Variants in PRKAA2 observed in about 807,000 individuals in gnomAD.
PRKAA2 encodes the protein protein kinase AMP-activated catalytic subunit alpha 2, also known as 5'-AMP-activated protein kinase catalytic subunit alpha-2.
In PRKAA2, 40 loss-of-function variants were observed where a neutral mutation model predicts 56.3. The observed-to-expected ratio is 0.71, with a 90% CI of 0.55 to 0.92. The LOEUF (loss-of-function observed/expected upper bound fraction) is 0.92, where lower values mean the gene tolerates loss of function less well. PRKAA2 is among the 40% of genes least tolerant of loss of function. The pLI, the probability that PRKAA2 is intolerant of heterozygous loss-of-function variation, is 0.00. For synonymous variants in PRKAA2, 214 were observed against 234.2 expected (o/e 0.91, Z 0.79); for missense variants, 542 against 686.9 (o/e 0.79, Z 2.36).
chr1:56,688,742 C>A (rs1231027722), intron 2 of PRKAA2, among the ~76,000 whole-genome samples: 2 of 152,146 alleles, frequency 1.3e-5, no homozygotes, highest in African/African-American at 4.8e-5. Flanking sequence ...CAATGGGAAA[C>A]CTTTGAAGAT....
At chr1:56,650,685 T>C (rs1646679996) in intron 1 of PRKAA2, among the ~76,000 whole-genome samples, 1 of 152,204 alleles carries the variant, frequency 6.6e-6, no homozygotes, top group South Asian at 2.1e-4. Flanking sequence ...TGTTTACCCA[T>C]ATGTGGTTTA....
In PRKAA2 at chr1:56,655,601, C is replaced by T. The variant is rs144981346; in HGVS notation, c.94+10120C>T. On this transcript the variant is annotated intron_variant, in intron 1 of 8. Coordinates refer to ENST00000371244, the MANE Select transcript of PRKAA2 (RefSeq NM_006252.4). ...TTCATCTGCTCATGAGGGATCTTCT[C>T]CTATGACCCAAACACCTCCCATTAG... is the stretch of plus-strand genomic sequence containing the variant. 5.7e-4 allele frequency among the ~76,000 whole-genome samples: 87 copies of T among 152,060 alleles called. 2 individuals carry two copies. In the East Asian group the frequency reaches 0.014, roughly 24 times the overall value.
chr1:56,689,596 G>A (rs2100421368), intron 2 of PRKAA2, among the ~76,000 whole-genome samples: 1 of 152,148 alleles, frequency 6.6e-6, no homozygotes, highest in East Asian at 1.9e-4. Flanking sequence ...GTGCATGCCT[G>A]TAGTCCCAGC....
At chr1:56,650,915 G>A (rs941587443) in intron 1 of PRKAA2, among the ~76,000 whole-genome samples, 5 of 152,126 alleles carry the variant, frequency 3.3e-5, no homozygotes. Flanking sequence ...CAAACAAAAA[G>A]TGTTACCTTA....
chr1:56,668,946 A>G (rs751383684), intron 1 of PRKAA2, among the ~76,000 whole-genome samples: 1 of 152,220 alleles, frequency 6.6e-6, no homozygotes, highest in Non-Finnish European at 1.5e-5. Context: ...AGCATCCAGA[A>G]AGTGGCAACC....
At chr1:56,695,807 C>A in intron 5 of PRKAA2, 128 bp from the exon 6 acceptor site, 1 of 807,552 alleles carries the variant, frequency 1.2e-6, no homozygotes, top group Non-Finnish European at 2.0e-6. Flanking sequence ...GGGGAGCAGC[C>A]ATGGACTTCA....
At chr1:56,686,086 C>A (rs1644189009) in intron 2 of PRKAA2, among the ~76,000 whole-genome samples, 1 of 152,004 alleles carries the variant, frequency 6.6e-6, no homozygotes, top group African/African-American at 2.4e-5. Flanking sequence ...AGTTAATAAC[C>A]AAGACATTAA....
chr1:56,663,488 A>G (rs1386741932), intron 1 of PRKAA2, among the ~76,000 whole-genome samples: 1 of 152,210 alleles, frequency 6.6e-6, no homozygotes, highest in Non-Finnish European at 1.5e-5. Flanking sequence ...ATCATATTGG[A>G]AAAGCCATGT....
intron 2 of PRKAA2, among the ~76,000 whole-genome samples, chr1:56,682,392 A>G (rs1260395275): frequency 1.3e-5 from 2 of 152,194 alleles, no homozygotes; most frequent in Non-Finnish European, 2.9e-5. Context: ...GACCTAAAGG[A>G]TGATGAAGAT....
At chr1:56,647,302 C>T (rs747499278) in intron 1 of PRKAA2, among the ~76,000 whole-genome samples, 4 of 152,180 alleles carry the variant, frequency 2.6e-5, no homozygotes, top group Non-Finnish European at 4.4e-5. Flanking sequence ...AAGCAAACAG[C>T]GCCTTTGACA....
chr1:56,678,706 T>C (rs2100409771), intron 2 of PRKAA2, among the ~76,000 whole-genome samples: 1 of 151,434 alleles, frequency 6.6e-6, no homozygotes, highest in Admixed American at 6.6e-5. Context: ...TTTTTTTTTT[T>C]TTTTTTTGAG....
At chr1:56,695,911 T>A in intron 5 of PRKAA2, 24 bp from the exon 6 acceptor site, 8 of 1,590,434 alleles carry the variant, frequency 5.0e-6, no homozygotes, top group Non-Finnish European at 6.9e-6. Context: ...CATTTCAGGT[T>A]TGTGTTGTCA....
intron 7 of PRKAA2, among the ~76,000 whole-genome samples, chr1:56,705,679 C>T (rs551498552): frequency 3.9e-4 from 59 of 152,282 alleles, no homozygotes; most frequent in African/African-American, 1.3e-3. Context: ...GAATTACAGG[C>T]GTGAGCCACT....
At chr1:56,698,128 G>A (rs1382615735) in intron 6 of PRKAA2, among the ~76,000 whole-genome samples, 1 of 145,120 alleles carries the variant, frequency 6.9e-6, no homozygotes, top group Admixed American at 7.0e-5. Flanking sequence ...TGTTTACCAG[G>A]CTGGTCTTGA....
intron 2 of PRKAA2, among the ~76,000 whole-genome samples, chr1:56,681,994 A>G (rs1283263077): frequency 6.6e-6 from 1 of 152,178 alleles, no homozygotes; most frequent in Non-Finnish European, 1.5e-5. Flanking sequence ...TGAGCATGGA[A>G]TGTTCTTCCA....
chr1:56,675,492 C>T (rs903957903), intron 2 of PRKAA2, among the ~76,000 whole-genome samples: 15 of 152,184 alleles, frequency 9.9e-5, no homozygotes, highest in Admixed American at 2.6e-4. Context: ...TTATCCAAGG[C>T]CACACAGCTA....
chr1:56,645,341 G>A lies in PRKAA2; in HGVS notation c.-47G>A, dbSNP rs1257932882. On this transcript the variant is annotated 5_prime_UTR_variant, in exon 1 of 9. Transcript: ENST00000371244. ...ACTGTGGGTAGGCGGCGGCGGCGGC[G>A]GCTACGCGGAGCGGCAGGCGGTGGA... The A allele has an allele frequency of 7.1e-7, 1 of 1,407,524 alleles. No individual in the cohort carries two copies. The highest frequency in any genetic ancestry group is 2.5e-5 in the Admixed American group (1 of 40,602). 87.2% of individuals were successfully genotyped at this position (1,407,524 alleles called of 1,614,324 possible). A position where few individuals can be genotyped will look rare whatever the true frequency, so the allele number is the denominator to read the frequency against.
Position 56,706,301 on chromosome 1 carries a change from T to C in PRKAA2, c.1420+83T>C. The C allele has an allele frequency of 4.6e-6, 7 of 1,511,812 alleles. No homozygotes were observed. In the South Asian group the frequency reaches 7.6e-5, roughly 16 times the overall value. 93.6% of individuals were successfully genotyped at this position (1,511,812 alleles called of 1,614,324 possible). ...AGATGTTAAAATCATCTCGAAGACA[T>C]CCGGTGGGTAGGTCCTGCACTGGTT... On this transcript the variant is annotated intron_variant, in intron 8 of 8. Transcript: ENST00000371244.
chr1:56,683,276 C>G (rs1412622877), intron 2 of PRKAA2, among the ~76,000 whole-genome samples: 1 of 151,964 alleles, frequency 6.6e-6, no homozygotes, highest in African/African-American at 2.4e-5. Flanking sequence ...GAGATATCAT[C>G]TATCATCTTT....
Sources: gnomAD v4.1 joint callset for allele counts (sites outside exome capture counted in the v4.1 genomes callset) on GRCh38, gnomAD v4.1.1 for gene constraint, MANE v1.5 for transcripts, NCBI Gene and HGNC (gene_info 2026-07-23, HGNC 2026-07-21) for gene names.